The following TMTC1 variants were observed in gnomAD, a reference collection of about 807,000 sequenced individuals.
TMTC1 encodes the protein transmembrane O-mannosyltransferase targeting cadherins 1, also known as protein O-mannosyl-transferase TMTC1.
TMTC1 carries 73 observed loss-of-function variants against 104.8 expected under a neutral mutation model. The observed-to-expected ratio is 0.70, with a 90% CI of 0.58 to 0.85. The LOEUF (loss-of-function observed/expected upper bound fraction) is 0.85, where lower values mean the gene tolerates loss of function less well. Among genes scored for constraint, TMTC1 ranks in the 40% least tolerant of loss-of-function variants. TMTC1 has a pLI of 0.00. For synonymous variants in TMTC1, 434 were observed against 428.7 expected, an observed-to-expected ratio of 1.01 and a Z score of -0.15; for missense variants, 1,035 against 1,096.1, an observed-to-expected ratio of 0.94 and a Z score of 0.79.
chr12:29,649,746 G>A (rs1357002171), intron 5 of TMTC1, among the ~76,000 whole-genome samples: 1 of 152,208 alleles, frequency 6.6e-6, no homozygotes, highest in East Asian at 1.9e-4. Flanking sequence ...AAGGCATGGG[G>A]AATGAGGTGG....
intron 4 of TMTC1, among the ~76,000 whole-genome samples, chr12:29,755,247 A>G (rs911732469): frequency 6.6e-6 from 1 of 152,166 alleles, no homozygotes; most frequent in South Asian, 2.1e-4. Flanking sequence ...TGGAATTCCA[A>G]TGGGTGCCTC....
intron 5 of TMTC1, among the ~76,000 whole-genome samples, chr12:29,641,573 A>C (rs965377772): frequency 6.6e-6 from 1 of 152,188 alleles, no homozygotes; most frequent in East Asian, 1.9e-4. Flanking sequence ...ACACCGTGGG[A>C]CAAAAGAATC....
chr12:29,774,882 T>C lies in TMTC1; in HGVS notation c.303-6807A>G, dbSNP rs116623189. Reference sequence around the variant, plus strand: ...TGCAAACAACAGTCCAGAGGGGAGATTGATACTCTGCAGCTGAAGCAAAAT... The same window carrying C: ...TGCAAACAACAGTCCAGAGGGGAGACTGATACTCTGCAGCTGAAGCAAAAT... On this transcript the variant is annotated intron_variant, in intron 1 of 17. Coordinates refer to ENST00000539277, the MANE Select transcript of TMTC1 (RefSeq NM_001193451.2). Among the ~76,000 whole-genome samples, 355 of 152,260 alleles carry C rather than the reference T, an allele frequency of 2.3e-3. 1 individual carries two copies. Among genetic ancestry groups the C allele is most frequent in the African/African-American group, 8.1e-3 (337 of 41,546 alleles).
At chr12:29,643,548 TATATGTTATATATTATAATATATA>T in intron 5 of TMTC1, among the ~76,000 whole-genome samples, 1 of 87,202 alleles carries the variant, frequency 1.1e-5, no homozygotes, top group African/African-American at 5.1e-5. Context: ...ATATATCACA[TATATGTTATATATTATAATATATA>T]ATATATGTCA....
chr12:29,531,754 C>A (rs1944509957), intron 11 of TMTC1, among the ~76,000 whole-genome samples: 1 of 152,182 alleles, frequency 6.6e-6, no homozygotes, highest in Admixed American at 6.5e-5. Context: ...TTCTTTGATG[C>A]AGTAGACACA....
At chr12:29,762,697 T>C (rs80264415) in intron 2 of TMTC1, among the ~76,000 whole-genome samples, 38 of 152,374 alleles carry the variant, frequency 2.5e-4, no homozygotes, top group African/African-American at 7.9e-4. Flanking sequence ...CGTGGCTGCT[T>C]GTACCACATG....
chr12:29,703,643 A>G (rs1308527001), intron 5 of TMTC1, among the ~76,000 whole-genome samples: 1 of 152,202 alleles, frequency 6.6e-6, no homozygotes, highest in Non-Finnish European at 1.5e-5. Flanking sequence ...CTAAAGTTAC[A>G]GCAACTTATT....
intron 5 of TMTC1, among the ~76,000 whole-genome samples, chr12:29,654,330 A>G (rs918573369): frequency 1.3e-5 from 2 of 152,228 alleles, no homozygotes; most frequent in South Asian, 4.1e-4. Flanking sequence ...AAGAGTCAGT[A>G]CATACATAAG....
chr12:29,660,012 T>C (rs1359505121), intron 5 of TMTC1: 4 of 1,496,382 alleles, frequency 2.7e-6, no homozygotes, highest in Non-Finnish European at 3.6e-6. Flanking sequence ...TTCAGTGAGA[T>C]TGCCACCAAT....
chr12:29,628,624 G>A (rs1226302333), intron 6 of TMTC1, among the ~76,000 whole-genome samples: 1 of 152,056 alleles, frequency 6.6e-6, no homozygotes, highest in African/African-American at 2.4e-5. Flanking sequence ...TAAAACCAAG[G>A]TCTCTACAAC....
intron 5 of TMTC1, among the ~76,000 whole-genome samples, chr12:29,671,698 T>C (rs1294093493): frequency 1.3e-5 from 2 of 152,226 alleles, no homozygotes; most frequent in Non-Finnish European, 2.9e-5. Context: ...TTTGAATGTA[T>C]GCATTCTGGT....
chr12:29,610,291 T>C (rs1946811893), intron 6 of TMTC1, among the ~76,000 whole-genome samples: 1 of 152,154 alleles, frequency 6.6e-6, no homozygotes, highest in Non-Finnish European at 1.5e-5. Flanking sequence ...CTTTCCATCA[T>C]GTTTCAGCCC....
At chr12:29,611,407 G>T (rs1946843647) in intron 6 of TMTC1, among the ~76,000 whole-genome samples, 4 of 152,142 alleles carry the variant, frequency 2.6e-5, no homozygotes, top group African/African-American at 9.7e-5. Flanking sequence ...TTCTGCATAA[G>T]TGTGTATTAA....
chr12:29,709,570 A>G (rs965712059), intron 5 of TMTC1, among the ~76,000 whole-genome samples: 6 of 152,222 alleles, frequency 3.9e-5, no homozygotes, highest in African/African-American at 1.4e-4. Context: ...TTGAAAAAAA[A>G]AATTCACAGA....
chr12:29,513,673 T>C (rs568773105), intron 16 of TMTC1, among the ~76,000 whole-genome samples: 5 of 152,360 alleles, frequency 3.3e-5, no homozygotes, highest in Admixed American at 6.5e-5. Context: ...AAGGAGAAAG[T>C]ATGTAACATT....
At chr12:29,513,137 G>T (rs910523661) in intron 16 of TMTC1, among the ~76,000 whole-genome samples, 1 of 152,104 alleles carries the variant, frequency 6.6e-6, no homozygotes, top group Non-Finnish European at 1.5e-5. Flanking sequence ...CCCTGACACC[G>T]TCTCTTACCC....
rs568551451 is a variant in TMTC1, at chr12:29,572,243, G to C, written c.1419-25C>G. 9 of 1,531,846 alleles carry C rather than the reference G, an allele frequency of 5.9e-6. No individual in the cohort carries two copies. In the African/African-American group the frequency reaches 1.2e-4, roughly 21 times the overall value. The allele number at this position is 1,531,846 out of a possible 1,614,324, so 94.9% of individuals were successfully genotyped here. On this transcript the variant is annotated intron_variant, in intron 8 of 17. Transcript: ENST00000539277. ...CCTAAAATGAATAAATTTTTAAAAA[G>C]AATTATTTGACAAAGAATATTATTG... is the stretch of plus-strand genomic sequence containing the variant.
At chr12:29,565,477 C>T (rs930993851) in intron 9 of TMTC1, among the ~76,000 whole-genome samples, 1 of 152,174 alleles carries the variant, frequency 6.6e-6, no homozygotes, top group African/African-American at 2.4e-5. Context: ...GGATCTTCTG[C>T]TATTGACGAC....
chr12:29,676,523 T>C (rs1940730187), intron 5 of TMTC1, among the ~76,000 whole-genome samples: 1 of 152,218 alleles, frequency 6.6e-6, no homozygotes, highest in African/African-American at 2.4e-5. Flanking sequence ...AGCATATATT[T>C]TGATACATCC....
Sources: gnomAD v4.1 joint callset for allele counts (sites outside exome capture counted in the v4.1 genomes callset) on GRCh38, gnomAD v4.1.1 for gene constraint, MANE v1.5 for transcripts, NCBI Gene and HGNC (gene_info 2026-07-23, HGNC 2026-07-21) for gene names.